Variants in KIAA1549 observed in about 807,000 individuals in gnomAD.
The protein encoded by KIAA1549 is UPF0606 protein KIAA1549.
KIAA1549 carries 70 observed loss-of-function variants against 156.4 expected under a neutral mutation model. That is an observed-to-expected ratio of 0.45 (90% confidence interval 0.37 to 0.55). The LOEUF is 0.55. Ranked by LOEUF, KIAA1549 falls within the 20% of genes least tolerant of loss-of-function variation. The pLI is 0.00. For synonymous variants in KIAA1549, 1,103 were observed against 1,066.4 expected (o/e 1.03, Z -0.67); for missense variants, 2,428 against 2,540.9 (o/e 0.96, Z 0.96).
At chr7:138,901,418 C>T (rs1328246123) in intron 8 of KIAA1549, among the ~76,000 whole-genome samples, 7 of 151,760 alleles carry the variant, frequency 4.6e-5, no homozygotes, top group African/African-American at 1.7e-4. Context: ...CTCCACCTCC[C>T]GGGTTCAAGT....
Position 138,868,104 on chromosome 7 carries a change from C to T in KIAA1549, c.4800G>A (p.Lys1600=). ...RKSSRIKRSP[K]PRRKHQVNGC... ...CGTTGACCTGGTGTTTCCGGCGAGG[C>T]TTGGGAGAACGTTTTATCCGTGAGC... is the stretch of plus-strand genomic sequence containing the variant. The change falls in exon 15 of 20, where the codon AAG becomes AAA. Residue 1600 remains lysine (K), a synonymous_variant. Coordinates refer to ENST00000422774, the MANE Select transcript of KIAA1549 (RefSeq NM_001164665.2). 6.2e-7 allele frequency: 1 copy of T among 1,613,592 alleles called. No homozygotes were observed. Among genetic ancestry groups the T allele is most frequent in the Non-Finnish European group, 8.5e-7 (1 of 1,179,784 alleles).
In KIAA1549 at chr7:138,879,562, T is replaced by C; in HGVS notation, c.4321A>G (p.Arg1441Gly). ...CCGCTCTGCGGAGCTCTGTGGGACC[T>C]GCCATCGTTGACGGCTCCCGGCGTC... ...DKTPGAVNDG[R>G]SHRAPQSGPP... Residue 1441 changes from arginine (R) to glycine (G), a missense_variant, in exon 12 of 20, where the codon AGG becomes GGG. Arg to Gly is a moderately radical substitution (Grantham distance 125). Transcript: ENST00000422774. 1.9e-6 allele frequency: 3 copies of C among 1,565,968 alleles called. No individual in the cohort carries two copies. The highest frequency in any genetic ancestry group is 2.6e-6 in the Non-Finnish European group (3 of 1,154,772).
At chr7:138,948,459 C>T (rs1198260334) in intron 1 of KIAA1549, among the ~76,000 whole-genome samples, 1 of 152,144 alleles carries the variant, frequency 6.6e-6, no homozygotes, top group Non-Finnish European at 1.5e-5. Context: ...GGTAGCATGG[C>T]CCCGCCAACA....
intron 10 of KIAA1549, among the ~76,000 whole-genome samples, chr7:138,892,754 G>A (rs1400872440): frequency 6.6e-6 from 1 of 152,060 alleles, no homozygotes; most frequent in Admixed American, 6.6e-5. Flanking sequence ...TTAAAGTAAT[G>A]CATATTTTTT....
At chr7:138,939,375 T>G (rs2183513) in intron 1 of KIAA1549, among the ~76,000 whole-genome samples, 14,647 of 152,218 alleles carry the variant, frequency 0.096, 986 homozygotes, top group African/African-American at 0.19. Context: ...TTTTGGTTCA[T>G]GTGTCTCTTA....
chr7:138,885,126 C>T (rs1052352721), intron 10 of KIAA1549, among the ~76,000 whole-genome samples: 1 of 144,516 alleles, frequency 6.9e-6, no homozygotes, highest in African/African-American at 2.9e-5. Flanking sequence ...ACCAGGGAGG[C>T]GGAGGTTGTG....
intron 1 of KIAA1549, among the ~76,000 whole-genome samples, chr7:138,933,428 G>A (rs1471879304): frequency 6.6e-6 from 1 of 152,224 alleles, no homozygotes; most frequent in Non-Finnish European, 1.5e-5. Flanking sequence ...CTGAGGAACT[G>A]AGCAGACTGA....
rs758162749 is a variant in KIAA1549, at chr7:138,919,298, T to C, written c.328A>G (p.Thr110Ala). ...AAAGTAGTGGCAGACGGCGGGGCTGTGACATGGAGAGGACTGCTGTGCTGG... is the reference window on the plus strand; with the variant it reads ...AAAGTAGTGGCAGACGGCGGGGCTGCGACATGGAGAGGACTGCTGTGCTGG... ...GSQHSSPLHV[T>A]APPSATTFDT... Residue 110 changes from threonine to alanine, a missense_variant, in exon 2 of 20, where the codon ACA (threonine) becomes GCA (alanine). Transcript: ENST00000422774. 6.2e-7 allele frequency: 1 copy of C among 1,614,022 alleles called. No individual in the cohort carries two copies. The highest frequency in any genetic ancestry group is 2.2e-5 in the East Asian group (1 of 44,874).
Position 138,838,003 on chromosome 7 carries a change from T to C in KIAA1549, c.5756A>G (p.Gln1919Arg), listed in dbSNP as rs915672289. The change falls in exon 20 of 20, where the codon CAG (glutamine) becomes CGG (arginine). Residue 1919 changes from glutamine to arginine, a missense_variant. This residue lies in a region of KIAA1549 where 363 missense variants were observed against 354.0 expected (regional missense o/e 1.03). Coordinates refer to ENST00000422774, the MANE Select transcript of KIAA1549 (RefSeq NM_001164665.2). Reference sequence around the variant, plus strand: ...GAGAGAGGCCGAGGAGTGGCCAGGCTGGAGGTCTTCCGTGGAGCTGGTGGG... The same window carrying C: ...GAGAGAGGCCGAGGAGTGGCCAGGCCGGAGGTCTTCCGTGGAGCTGGTGGG... ...GYPTSSTEDLQPGHSSASLIK... is the reference protein window; with the variant it reads ...GYPTSSTEDLRPGHSSASLIK... The C allele has an allele frequency of 1.4e-5, 22 of 1,612,532 alleles. No homozygotes were observed. The highest frequency in any genetic ancestry group is 1.9e-5 in the Non-Finnish European group (22 of 1,179,492).
intron 15 of KIAA1549, among the ~76,000 whole-genome samples, chr7:138,864,983 A>T (rs1810696354): frequency 6.6e-6 from 1 of 152,196 alleles, no homozygotes; most frequent in Non-Finnish European, 1.5e-5. Context: ...AATCCCAGAA[A>T]TGTGGGAGGC....
At chr7:138,952,028 T>C (rs1031759679) in intron 1 of KIAA1549, among the ~76,000 whole-genome samples, 11 of 152,144 alleles carry the variant, frequency 7.2e-5, no homozygotes, top group Non-Finnish European at 1.3e-4. Flanking sequence ...ATTCCATCTA[T>C]AAAATGAGGA....
intron 1 of KIAA1549, among the ~76,000 whole-genome samples, chr7:138,931,778 G>A (rs2130506189): frequency 6.7e-6 from 1 of 149,850 alleles, no homozygotes; most frequent in South Asian, 2.1e-4. Flanking sequence ...AAAAAAGAAG[G>A]TCTTGATTTT....
intron 1 of KIAA1549, among the ~76,000 whole-genome samples, chr7:138,943,524 A>C (rs2130527234): frequency 6.6e-6 from 1 of 152,348 alleles, no homozygotes; most frequent in Admixed American, 6.5e-5. Context: ...ATATATATAC[A>C]TTGTGGCATG....
intron 1 of KIAA1549, among the ~76,000 whole-genome samples, chr7:138,974,616 T>C (rs1356446374): frequency 6.6e-6 from 1 of 151,686 alleles, no homozygotes; most frequent in Non-Finnish European, 1.5e-5. Context: ...AGAGACGAGG[T>C]TTCACTATGT....
chr7:138,858,187 C>T (rs1311674269), intron 16 of KIAA1549, among the ~76,000 whole-genome samples: 1 of 151,932 alleles, frequency 6.6e-6, no homozygotes, highest in East Asian at 1.9e-4. Context: ...GTGGTGCAAT[C>T]ATGGCTCACT....
intron 2 of KIAA1549, among the ~76,000 whole-genome samples, chr7:138,914,690 T>C (rs577636459): frequency 2.2e-4 from 33 of 152,288 alleles, no homozygotes; most frequent in African/African-American, 6.5e-4. Context: ...AAAATGGCAC[T>C]TATCTCCGCT....
chr7:138,916,356 G>A (rs553994961), intron 2 of KIAA1549, among the ~76,000 whole-genome samples: 1 of 152,354 alleles, frequency 6.6e-6, no homozygotes, highest in South Asian at 2.1e-4. Flanking sequence ...ATCCTACCAA[G>A]AACTTCCAAG....
At chr7:138,920,974 AG>A (rs2130487406) in intron 1 of KIAA1549, among the ~76,000 whole-genome samples, 1 of 152,340 alleles carries the variant, frequency 6.6e-6, no homozygotes, top group Admixed American at 6.5e-5. Context: ...CAAGACAGTA[AG>A]GGGAACGTGC....
chr7:138,909,684 C>T lies in KIAA1549; in HGVS notation c.3146-563G>A, dbSNP rs912589464. ...GTTAACAGCCAGGTACAGCGGCTCA[C>T]GCCTGTAATTCCAGCACTTTGGGAG... On this transcript the variant is annotated intron_variant, in intron 4 of 19. Transcript: ENST00000422774. Among the ~76,000 whole-genome samples the T allele has an allele frequency of 4.6e-5, 7 of 152,282 alleles. No homozygotes were observed. The South Asian group carries it at 6.2e-4, about 14-fold the overall frequency.
Sources: gnomAD v4.1 joint callset for allele counts (sites outside exome capture counted in the v4.1 genomes callset) on GRCh38, gnomAD v4.1.1 for gene constraint, gnomAD v4.1.1 regional missense constraint, MANE v1.5 for transcripts, NCBI Gene and HGNC (gene_info 2026-07-23, HGNC 2026-07-21) for gene names.